Variants in HEATR1 observed in about 807,000 individuals in gnomAD.
HEATR1 encodes the protein HEAT repeat containing 1.
A neutral mutation model predicts 248.2 loss-of-function variants in HEATR1; 77 were observed. The ratio of observed to expected loss-of-function variants is 0.31; its 90% CI spans 0.26 to 0.37. The LOEUF (loss-of-function observed/expected upper bound fraction) is 0.37. Among genes scored for constraint, HEATR1 ranks in the 10% least tolerant of loss-of-function variants. The pLI, the probability that HEATR1 is intolerant of heterozygous loss-of-function variation, is 1.00. For missense variants in HEATR1, 2,420 were observed against 2,504.9 expected (o/e 0.97, Z 0.72); for synonymous variants, 897 against 923.1 (o/e 0.97, Z 0.51).
chr1:236,579,127 C>G (rs933816296), intron 20 of HEATR1, among the ~76,000 whole-genome samples: 1 of 152,170 alleles, frequency 6.6e-6, no homozygotes, highest in Non-Finnish European at 1.5e-5. Flanking sequence ...ATTCCAAAAT[C>G]TCAAATTTTC....
chr1:236,557,085 T>C, intron 37 of HEATR1, 110 bp downstream of exon 37: 2 of 1,154,436 alleles, frequency 1.7e-6, no homozygotes, highest in Non-Finnish European at 1.2e-6. Context: ...ATAAGACTCC[T>C]TTCTGTCAAA....
At chr1:236,599,875 A>C (rs1489722573) in intron 3 of HEATR1, among the ~76,000 whole-genome samples, 1 of 152,080 alleles carries the variant, frequency 6.6e-6, no homozygotes, top group Non-Finnish European at 1.5e-5. Flanking sequence ...CATCCCATTA[A>C]CTTTCTCTCA....
intron 4 of HEATR1, among the ~76,000 whole-genome samples, chr1:236,598,791 T>TC (rs1042467670): frequency 6.6e-6 from 1 of 151,824 alleles, no homozygotes; most frequent in African/African-American, 2.4e-5. Flanking sequence ...CCCATTTGCC[T>TC]CCCCCCCTAC....
At chr1:236,562,497 TC>T (rs1339286768) in intron 32 of HEATR1, among the ~76,000 whole-genome samples, 1 of 152,166 alleles carries the variant, frequency 6.6e-6, no homozygotes, top group Admixed American at 6.5e-5. Flanking sequence ...GACCATTCTC[TC>T]CCCCAACTGC....
At chr1:236,604,163 A>G (rs1558195439) in intron 1 of HEATR1, 36 bp from the exon 2 acceptor site, 2 of 1,483,786 alleles carry the variant, frequency 1.3e-6, no homozygotes, top group South Asian at 1.4e-5. Context: ...AGTTTCTACG[A>G]AATTATAAGG....
intron 5 of HEATR1, 66 bp from the exon 6 acceptor site, chr1:236,597,042 C>T (rs1664195647): frequency 2.0e-6 from 3 of 1,490,070 alleles, no homozygotes; most frequent in Admixed American, 3.8e-5. Context: ...TTGCTTGAGG[C>T]CAGGAGTTCA....
intron 20 of HEATR1, among the ~76,000 whole-genome samples, chr1:236,578,388 A>T (rs1435787061): frequency 6.6e-6 from 1 of 152,236 alleles, no homozygotes; most frequent in African/African-American, 2.4e-5. Context: ...ATCATGTTCA[A>T]TGAGAGTGAT....
Position 236,576,291 on chromosome 1 carries a change from A to C in HEATR1, c.3012T>G (p.Leu1004=). ...AAGATGGGCAACTATACACACAACT[A>C]AGTAAGTTTTTCAAAGTTTCAGACA... ...QKLSETLKNL[L]SCVYSCPSYI... is the part of the protein sequence containing the mutation. Residue 1004 remains leucine, a synonymous_variant, in exon 22 of 45, where the codon CTT becomes CTG. Coordinates refer to ENST00000366582, the MANE Select transcript of HEATR1 (RefSeq NM_018072.6). The C allele has an allele frequency of 1.2e-6, 2 of 1,611,940 alleles. No individual in the cohort carries two copies. The highest frequency in any genetic ancestry group is 8.5e-7 in the Non-Finnish European group (1 of 1,178,950).
In HEATR1 at chr1:236,589,498, A is replaced by T. The variant is rs537774966; in HGVS notation, c.1530+1349T>A. Among the ~76,000 whole-genome samples the T allele has an allele frequency of 1.4e-3, 212 of 151,866 alleles. 2 individuals are homozygous for T. Among genetic ancestry groups the T allele is most frequent in the African/African-American group, 4.4e-3 (184 of 41,508 alleles). ...AAAATATAGATGACATAAAACAAAA[A>T]TTTTTTTTTAAATCTACAAGGGAAA... On this transcript the variant is annotated intron_variant, in intron 12 of 44. Coordinates refer to ENST00000366582, the MANE Select transcript of HEATR1 (RefSeq NM_018072.6).
intron 4 of HEATR1, among the ~76,000 whole-genome samples, chr1:236,598,797 C>A (rs565062195): frequency 1.4e-4 from 22 of 152,184 alleles, no homozygotes; most frequent in African/African-American, 4.3e-4. Flanking sequence ...TGCCTCCCCC[C>A]CTACCCTGGA....
At chr1:236,595,776 T>G in intron 7 of HEATR1, 57 bp downstream of exon 7, 1 of 1,527,240 alleles carries the variant, frequency 6.5e-7, no homozygotes, top group South Asian at 1.2e-5. Context: ...AAAAAATTAT[T>G]CAAAATAATT....
chr1:236,581,844 T>A (rs1377008727), intron 19 of HEATR1, among the ~76,000 whole-genome samples: 1 of 152,140 alleles, frequency 6.6e-6, no homozygotes, highest in Non-Finnish European at 1.5e-5. Flanking sequence ...CTAAATAACC[T>A]CTCTGAACAC....
intron 33 of HEATR1, 106 bp downstream of exon 33, chr1:236,561,119 A>AAC (rs1663118748): frequency 3.6e-6 from 3 of 827,558 alleles, no homozygotes; most frequent in Non-Finnish European, 4.0e-6. Flanking sequence ...TCAAATGGTG[A>AAC]ACCTGGTTGT....
At chr1:236,556,078 T>G in intron 38 of HEATR1, 22 bp downstream of exon 38, 2 of 1,614,176 alleles carry the variant, frequency 1.2e-6, no homozygotes, top group South Asian at 2.2e-5. Flanking sequence ...CTCCAAAGTC[T>G]TAATACCCAA....
Position 236,555,545 on chromosome 1 carries a change from C to A in HEATR1, c.5754+6G>T. 14 of 1,614,028 alleles carry A rather than the reference C, an allele frequency of 8.7e-6. No homozygotes were observed. Among genetic ancestry groups the A allele is most frequent in the Non-Finnish European group, 1.2e-5 (14 of 1,179,912 alleles). ...ACAAAAGAGAGGAAGAGGAAGAAAG[C>A]GTCACCTTGAAGAACAGGGGCCTGA... On this transcript the variant is annotated splice_donor_region_variant and intron_variant, in intron 40 of 44. Coordinates refer to ENST00000366582, the MANE Select transcript of HEATR1 (RefSeq NM_018072.6).
intron 32 of HEATR1, among the ~76,000 whole-genome samples, chr1:236,563,531 CA>C (rs1663192041): frequency 1.3e-5 from 2 of 152,104 alleles, no homozygotes; most frequent in Admixed American, 6.5e-5. Context: ...CTCGGCCTCC[CA>C]AAGTGCTGGG....
intron 43 of HEATR1, chr1:236,552,381 T>A: frequency 4.7e-6 from 1 of 213,412 alleles, no homozygotes; most frequent in Non-Finnish European, 9.2e-6. Context: ...AATCTCTTCC[T>A]TTAAAAAAAA....
At chr1:236,587,289 G>A (rs1321368096) in intron 14 of HEATR1, 113 bp downstream of exon 14, 8 of 439,754 alleles carry the variant, frequency 1.8e-5, no homozygotes, top group Non-Finnish European at 2.5e-5. Flanking sequence ...CTACTACCAC[G>A]ACAAAAGGGT....
Position 236,557,328 on chromosome 1 carries a change from A to G in HEATR1, c.5222T>C (p.Leu1741Pro). 6.2e-7 allele frequency: 1 copy of G among 1,614,156 alleles called. No homozygotes were observed. The highest frequency in any genetic ancestry group is 1.3e-5 in the African/African-American group (1 of 75,056). ...CTCGCTGGTGTTCTTCATTGTTGTC[A>G]GCAACGATGGCATCAGGCTAGAAAC... ...PQLPSLMPSLLTTMKNTSELV... is the reference protein window; with the variant it reads ...PQLPSLMPSLPTTMKNTSELV... The change falls in exon 37 of 45, where the codon CTG (leucine) becomes CCG (proline). Residue 1741 changes from leucine (L) to proline (P), a missense_variant. Physicochemically the swap from Leu to Pro is moderately conservative, Grantham distance 98. Transcript: ENST00000366582.
Sources: gnomAD v4.1 joint callset for allele counts (sites outside exome capture counted in the v4.1 genomes callset) on GRCh38, gnomAD v4.1.1 for gene constraint, MANE v1.5 for transcripts, NCBI Gene and HGNC (gene_info 2026-07-23, HGNC 2026-07-21) for gene names.